DNAH5: variants seen among roughly 807,000 people sequenced by gnomAD.
The protein encoded by DNAH5 is dynein axonemal heavy chain 5.
In DNAH5, 372 loss-of-function variants were observed where a neutral mutation model predicts 518.2. The observed-to-expected ratio is 0.72, with a 90% CI of 0.66 to 0.78. DNAH5 has a LOEUF of 0.78. DNAH5 is among the 30% of genes least tolerant of loss of function. The probability of loss-of-function intolerance (pLI) is 0.00; values close to 1 mark genes in which losing one functional copy is unlikely to be tolerated. For missense variants in DNAH5, 5,523 were observed against 5,687.0 expected (o/e 0.97, Z 0.93); for synonymous variants, 2,039 against 2,025.9 (o/e 1.01, Z -0.17).
chr5:13,706,713 C>T (rs571514201), intron 76 of DNAH5, among the ~76,000 whole-genome samples: 4 of 152,336 alleles, frequency 2.6e-5, no homozygotes, highest in African/African-American at 7.2e-5. Flanking sequence ...CAGGAACTCA[C>T]TTTACTTTTC....
intron 21 of DNAH5, among the ~76,000 whole-genome samples, chr5:13,881,466 C>T (rs1823042): frequency 0.74 from 112,014 of 151,734 alleles, 42,061 homozygotes; most frequent in African/African-American, 0.89. Context: ...TATAACAAAT[C>T]TTCCAAACCA....
intron 47 of DNAH5, among the ~76,000 whole-genome samples, chr5:13,803,268 C>T (rs896190903): frequency 6.6e-5 from 10 of 152,296 alleles, no homozygotes; most frequent in Middle Eastern, 3.4e-3. Flanking sequence ...TGCCTAATAA[C>T]ATCTTCCCAT....
At chr5:13,860,062 C>T (rs890550414) in intron 29 of DNAH5, among the ~76,000 whole-genome samples, 4 of 152,144 alleles carry the variant, frequency 2.6e-5, no homozygotes, top group African/African-American at 7.2e-5. Flanking sequence ...CCTGGACTCT[C>T]TCCTTAGCCT....
At chr5:13,915,873 T>A (rs1402781532) in intron 9 of DNAH5, among the ~76,000 whole-genome samples, 1 of 152,142 alleles carries the variant, frequency 6.6e-6, no homozygotes, top group Non-Finnish European at 1.5e-5. Context: ...ATCATTATAA[T>A]TGCTTTATAG....
Position 13,901,507 on chromosome 5 carries a change from G to C in DNAH5, c.1797C>G (p.Asp599Glu), listed in dbSNP as rs1410306156. 6.2e-7 allele frequency: 1 copy of C among 1,613,600 alleles called. No homozygotes were observed. Among genetic ancestry groups the C allele is most frequent in the Non-Finnish European group, 8.5e-7 (1 of 1,179,926 alleles). ...TATACAGCTTTGAAATCATATCAAT[G>C]TCAGCCCCATAGTTCTCAAGGATAA... ...YQLILENYGA[D>E]IDMISKLYTK... The change falls in exon 14 of 79, where the codon GAC becomes GAG. Residue 599 changes from aspartate (D) to glutamate (E), a missense_variant. Physicochemically the swap from Asp to Glu is conservative, Grantham distance 45. Transcript: ENST00000265104.
intron 65 of DNAH5, among the ~76,000 whole-genome samples, chr5:13,747,207 AG>A (rs1234067355): frequency 6.6e-6 from 1 of 152,156 alleles, no homozygotes; most frequent in African/African-American, 2.4e-5. Flanking sequence ...GTCCCTACAA[AG>A]GACATGAACT....
chr5:13,751,468 T>C (rs1432043162), intron 64 of DNAH5, among the ~76,000 whole-genome samples: 1 of 152,146 alleles, frequency 6.6e-6, no homozygotes, highest in Non-Finnish European at 1.5e-5. Context: ...AAGAAACATA[T>C]ATATACACAC....
intron 1 of DNAH5, among the ~76,000 whole-genome samples, chr5:13,954,298 A>T (rs1404836004): frequency 2.0e-5 from 3 of 152,214 alleles, no homozygotes; most frequent in African/African-American, 7.2e-5. Context: ...AAACTAACTA[A>T]GTGAAATAAT....
intron 34 of DNAH5, among the ~76,000 whole-genome samples, chr5:13,840,609 G>A (rs1305416858): frequency 6.6e-6 from 1 of 152,212 alleles, no homozygotes; most frequent in African/African-American, 2.4e-5. Context: ...AAGCGAAAAA[G>A]ATGTATGAAG....
At position 13,864,612 on chromosome 5, in the gene DNAH5, T is replaced by C; in HGVS notation, c.4381A>G (p.Lys1461Glu). ...AGGTCCAAAAAAGCCTGCCAGTCCT[T>C]CAAGGCCCGGGGAAGCTTTCGACAT... ...NRCRKLPRAL[K>E]DWQAFLDLKK... The change falls in exon 28 of 79, where the codon AAG (lysine) becomes GAG (glutamate). Residue 1461 changes from lysine to glutamate, a missense_variant. Coordinates refer to ENST00000265104, the MANE Select transcript of DNAH5 (RefSeq NM_001369.3). The C allele has an allele frequency of 6.2e-7, 1 of 1,614,098 alleles. No individual in the cohort carries two copies. The highest frequency in any genetic ancestry group is 8.5e-7 in the Non-Finnish European group (1 of 1,180,012).
rs753029050 is a variant in DNAH5 at position 13,913,737 on chromosome 5, C to T, written c.1536+6G>A. 1 of 1,613,114 alleles carries T rather than the reference C, an allele frequency of 6.2e-7. No individual in the cohort carries two copies. The highest frequency in any genetic ancestry group is 1.1e-5 in the South Asian group (1 of 91,042). On this transcript the variant is annotated splice_donor_region_variant and intron_variant, in intron 11 of 78. Transcript: ENST00000265104. Reference sequence around the variant, plus strand: ...TGTTATAAAATATAGCTTTAAAGTACAATACCTGGTATTTAGTGGCCATGT... The same window carrying T: ...TGTTATAAAATATAGCTTTAAAGTATAATACCTGGTATTTAGTGGCCATGT...
Position 13,690,980 on chromosome 5 carries a change from T to C in DNAH5, c.*1004A>G, listed in dbSNP as rs893593258. The C allele has an allele frequency of 6.6e-6, 1 of 152,220 alleles. No homozygotes were observed. The allele number at this position is 152,220 out of a possible 1,614,324, so 9.4% of individuals were successfully genotyped here. On this transcript the variant is annotated 3_prime_UTR_variant, in exon 79 of 79. Transcript: ENST00000265104. The stretch of plus-strand genomic sequence containing the variant: ...AATATATTTGCTGTTATAATCACAG[T>C]GTGCTCAATATTTTGTAAACTAAAT...
intron 60 of DNAH5, among the ~76,000 whole-genome samples, chr5:13,760,854 A>G (rs1372861551): frequency 6.6e-6 from 1 of 152,240 alleles, no homozygotes; most frequent in Non-Finnish European, 1.5e-5. Flanking sequence ...ATTTCTTAAT[A>G]TATTCAACAG....
chr5:13,913,056 C>G (rs1300515654), intron 11 of DNAH5, among the ~76,000 whole-genome samples: 1 of 151,892 alleles, frequency 6.6e-6, no homozygotes, highest in Non-Finnish European at 1.5e-5. Flanking sequence ...ATTATATGAT[C>G]CTTTTCAAAT....
At chr5:14,000,401 G>C (rs953779838) in intron 1 of DNAH5, among the ~76,000 whole-genome samples, 1 of 152,234 alleles carries the variant, frequency 6.6e-6, no homozygotes, top group African/African-American at 2.4e-5. Flanking sequence ...AACTGTGAGA[G>C]AGTAAGTTTC....
In DNAH5 at chr5:13,920,550, A is replaced by G; in HGVS notation, c.728T>C (p.Leu243Pro). 1 of 1,614,184 alleles carries G rather than the reference A, an allele frequency of 6.2e-7. No individual in the cohort carries two copies. The highest frequency in any genetic ancestry group is 8.5e-7 in the Non-Finnish European group (1 of 1,179,992). The change falls in exon 6 of 79, where the codon CTA becomes CCA. Residue 243 changes from leucine (L) to proline (P), a missense_variant. This residue lies in a region of DNAH5 where 5,121 missense variants were observed against 5,223.3 expected (regional missense o/e 0.98). Coordinates refer to ENST00000265104, the MANE Select transcript of DNAH5 (RefSeq NM_001369.3). ...TCCCAAAGTCTCAGGGTTATTTGCT[A>G]GAGTCAAGTAGTCCGTAGGTTCCTT... ...TLKEPTDYLT[L>P]ANNPETLGKI...
chr5:13,758,563 A>T (rs1182237165), intron 61 of DNAH5, among the ~76,000 whole-genome samples: 1 of 152,176 alleles, frequency 6.6e-6, no homozygotes, highest in Non-Finnish European at 1.5e-5. Context: ...AAATGAGATA[A>T]AAATGGGAGG....
intron 1 of DNAH5, among the ~76,000 whole-genome samples, chr5:13,933,246 CA>C (rs1486902332): frequency 6.6e-6 from 1 of 152,130 alleles, no homozygotes; most frequent in Non-Finnish European, 1.5e-5. Context: ...AGTGTGAAAA[CA>C]ATGTGGTACC....
At chr5:13,991,886 A>T (rs1277858451) in intron 1 of DNAH5, among the ~76,000 whole-genome samples, 1 of 152,244 alleles carries the variant, frequency 6.6e-6, no homozygotes, top group East Asian at 1.9e-4. Context: ...TCTACCCCTT[A>T]AAAACAGGGT....
Sources: gnomAD v4.1 joint callset for allele counts (sites outside exome capture counted in the v4.1 genomes callset) on GRCh38, gnomAD v4.1.1 for gene constraint, gnomAD v4.1.1 regional missense constraint, MANE v1.5 for transcripts, NCBI Gene and HGNC (gene_info 2026-07-23, HGNC 2026-07-21) for gene names.